Variants in DRICH1 observed in about 807,000 individuals in gnomAD.
DRICH1 encodes aspartate rich 1, also known as aspartate-rich protein 1.
A neutral mutation model predicts 39.5 loss-of-function variants in DRICH1; 38 were observed. The ratio of observed to expected loss-of-function variants is 0.96; its 90% CI spans 0.74 to 1.26. The LOEUF (loss-of-function observed/expected upper bound fraction) is 1.26, where lower values mean the gene tolerates loss of function less well. DRICH1 is among the 50% of genes most tolerant of loss of function. The pLI is 0.00. For synonymous variants in DRICH1, 84 were observed against 99.5 expected, an observed-to-expected ratio of 0.84 and a Z score of 0.93; for missense variants, 279 against 270.4, an observed-to-expected ratio of 1.03 and a Z score of -0.22.
the DRICH1 span, among the ~76,000 whole-genome samples, chr22:23,597,502 CAA>C: frequency 4.2e-4 from 45 of 106,368 alleles, no homozygotes; most frequent in Middle Eastern, 5.1e-3. Context: ...GACCCTGTCT[CAA>C]AAAAAAAAAA....
intron 3 of DRICH1, 47 bp downstream of exon 3, chr22:23,624,836 G>A (rs1298949426): frequency 3.8e-6 from 6 of 1,596,924 alleles, no homozygotes; most frequent in Non-Finnish European, 4.3e-6. Flanking sequence ...ATATATTAAA[G>A]CTAGCAAGTT....
intron 2 of DRICH1, among the ~76,000 whole-genome samples, chr22:23,625,763 T>C (rs1475942189): frequency 6.6e-6 from 1 of 152,120 alleles, no homozygotes; most frequent in Non-Finnish European, 1.5e-5. Flanking sequence ...ACTCAGCCTA[T>C]GAGGAACCAG....
chr22:23,607,543 G>GA (rs946339543), downstream of DRICH1, among the ~76,000 whole-genome samples: 28 of 151,294 alleles, frequency 1.9e-4, no homozygotes, highest in Non-Finnish European at 3.2e-4. Flanking sequence ...GGGGGCGGGG[G>GA]GGGGCCTCTT....
downstream of DRICH1, among the ~76,000 whole-genome samples, chr22:23,603,782 G>C (rs559768107): frequency 2.8e-4 from 43 of 152,094 alleles, 1 homozygote; most frequent in South Asian, 8.7e-3. Context: ...CAGTCCCCCT[G>C]CGTTTGGCCC....
At chr22:23,588,788 T>A in the DRICH1 span, among the ~76,000 whole-genome samples, 1 of 152,188 alleles carries the variant, frequency 6.6e-6, no homozygotes, top group East Asian at 1.9e-4. Flanking sequence ...ATCTCACAAT[T>A]TTTTTTAGCC....
At chr22:23,605,681 G>T (rs972734583), downstream of DRICH1, among the ~76,000 whole-genome samples, 9 of 152,166 alleles carry the variant, frequency 5.9e-5, no homozygotes, top group Non-Finnish European at 1.0e-4. Flanking sequence ...CCAGAGGACT[G>T]GGGGGAGGCC....
At chr22:23,616,605 A>G (rs1398616922) in intron 8 of DRICH1, among the ~76,000 whole-genome samples, 2 of 152,170 alleles carry the variant, frequency 1.3e-5, no homozygotes, top group Middle Eastern at 3.2e-3. Context: ...CAACATCAGG[A>G]TAAGTCAGTG....
chr22:23,622,923 T>C (rs1176751036), intron 3 of DRICH1, among the ~76,000 whole-genome samples: 1 of 152,182 alleles, frequency 6.6e-6, no homozygotes, highest in Non-Finnish European at 1.5e-5. Flanking sequence ...TCTGAACACT[T>C]TCTGCCATGA....
chr22:23,618,092 C>G (rs1231202240), intron 6 of DRICH1, among the ~76,000 whole-genome samples: 1 of 150,328 alleles, frequency 6.7e-6, no homozygotes, highest in Non-Finnish European at 1.5e-5. Flanking sequence ...CCAAATTACT[C>G]TATTCTATTG....
chr22:23,603,266 C>T, the DRICH1 span, among the ~76,000 whole-genome samples: 4 of 151,920 alleles, frequency 2.6e-5, no homozygotes, highest in Non-Finnish European at 4.4e-5. Context: ...CTCGGGCAGC[C>T]CCCGAGAATG....
At chr22:23,608,236 C>A, downstream of DRICH1, 1 of 155,144 alleles carries the variant, frequency 6.4e-6, no homozygotes, top group South Asian at 1.7e-4. Context: ...GCCTGAAGGC[C>A]ACCAAGGCCC....
chr22:23,608,057 T>G (rs1926834823), downstream of DRICH1: 1 of 152,284 alleles, frequency 6.6e-6, no homozygotes, highest in African/African-American at 2.4e-5. Flanking sequence ...CCTTTGAGAC[T>G]CTGCAGGCAC....
At chr22:23,587,115 T>C in the DRICH1 span, among the ~76,000 whole-genome samples, 1 of 152,356 alleles carries the variant, frequency 6.6e-6, no homozygotes, top group East Asian at 1.9e-4. Context: ...AACAGTTTAG[T>C]CGCATCTCTA....
downstream of DRICH1, among the ~76,000 whole-genome samples, chr22:23,607,999 A>G (rs146454901): frequency 7.6e-3 from 1,162 of 152,348 alleles, 18 homozygotes; most frequent in African/African-American, 0.026. Flanking sequence ...ATCTCGCTGC[A>G]TGAATGAATC....
intron 11 of DRICH1, among the ~76,000 whole-genome samples, chr22:23,612,664 A>G (rs1020576608): frequency 1.3e-5 from 2 of 152,098 alleles, no homozygotes; most frequent in African/African-American, 2.4e-5. Context: ...TGGGTTGGGC[A>G]GTGGAGGCTG....
At position 23,617,923 on chromosome 22, in the gene DRICH1, C is replaced by A. The variant is rs1038889075; in HGVS notation, c.437-266G>T. On this transcript the variant is annotated intron_variant, in intron 6 of 11. Transcript: ENST00000317749. Reference sequence around the variant, plus strand: ...AGGGTCAATGGAAGAGTGCCTTCCTCCCTCTCAAATGTTTTGAAACTCTTC... The same window carrying A: ...AGGGTCAATGGAAGAGTGCCTTCCTACCTCTCAAATGTTTTGAAACTCTTC... Among the ~76,000 whole-genome samples the A allele has an allele frequency of 2.1e-4, 32 of 152,058 alleles. 1 individual carries two copies. The highest frequency in any genetic ancestry group is 7.2e-4 in the African/African-American group (30 of 41,392).
At chr22:23,588,471 G>C in the DRICH1 span, among the ~76,000 whole-genome samples, 1 of 152,346 alleles carries the variant, frequency 6.6e-6, no homozygotes, top group South Asian at 2.1e-4. Context: ...CTCAGTGGGA[G>C]GGTTCAGCCC....
chr22:23,626,586 C>T (rs5996585), intron 1 of DRICH1, among the ~76,000 whole-genome samples: 11,518 of 152,186 alleles, frequency 0.076, 1,488 homozygotes, highest in African/African-American at 0.26. Context: ...AGATCTGCCT[C>T]ATTGCAGCTG....
At position 23,631,867 on chromosome 22, in the gene DRICH1, C is replaced by T. The variant is rs1432502967; in HGVS notation, c.157G>A (p.Ala53Thr). ...TVEPGKLDVGATEGQDLQHIS... is the reference protein window; with the variant it reads ...TVEPGKLDVGTTEGQDLQHIS... ...TGCTGCAGGTCTTGGCCCTCCGTGG[C>T]TCCCACATCCAGCTTGCCAGGCTCT... The change falls in exon 1 of 12, where the codon GCC becomes ACC. Residue 53 changes from alanine (A) to threonine (T), a missense_variant. Physicochemically the swap from Ala to Thr is moderately conservative, Grantham distance 58. Coordinates refer to ENST00000317749, the MANE Select transcript of DRICH1 (RefSeq NM_016449.4). The T allele has an allele frequency of 6.2e-7, 1 of 1,612,740 alleles. No homozygotes were observed. The highest frequency in any genetic ancestry group is 1.3e-5 in the African/African-American group (1 of 74,886).
Sources: gnomAD v4.1 joint callset for allele counts (sites outside exome capture counted in the v4.1 genomes callset) on GRCh38, gnomAD v4.1.1 for gene constraint, MANE v1.5 for transcripts, NCBI Gene and HGNC (gene_info 2026-07-23, HGNC 2026-07-21) for gene names.